Variants in GDAP1 observed in about 807,000 individuals in gnomAD.
GDAP1 encodes ganglioside induced differentiation associated protein 1.
In GDAP1, 34 loss-of-function variants were observed where a neutral mutation model predicts 40.1. The ratio of observed to expected loss-of-function variants is 0.85; its 90% CI spans 0.64 to 1.13. GDAP1 has a LOEUF of 1.13. GDAP1 is among the 50% of genes most tolerant of loss of function. The pLI, the probability that GDAP1 is intolerant of heterozygous loss-of-function variation, is 0.00. For synonymous variants in GDAP1, 170 were observed against 157.4 expected, an observed-to-expected ratio of 1.08 and a Z score of -0.60; for missense variants, 374 against 433.7, an observed-to-expected ratio of 0.86 and a Z score of 1.22.
chr8:74,377,410 A>G (rs1398320034), intron 2 of GDAP1, among the ~76,000 whole-genome samples: 1 of 152,234 alleles, frequency 6.6e-6, no homozygotes, highest in East Asian at 1.9e-4. Flanking sequence ...CAAAGAGGAT[A>G]TGTGAATAGT....
At chr8:74,369,825 A>T (rs1809718145), downstream of GDAP1, among the ~76,000 whole-genome samples, 2 of 151,712 alleles carry the variant, frequency 1.3e-5, no homozygotes, top group African/African-American at 4.8e-5. Context: ...GAAAAAAAAG[A>T]TATACACAAG....
At chr8:74,431,454 A>G (rs891147797) in intron 2 of GDAP1, among the ~76,000 whole-genome samples, 3 of 151,166 alleles carry the variant, frequency 2.0e-5, no homozygotes, top group Admixed American at 2.0e-4. Flanking sequence ...TAATGTGAAC[A>G]TGTTCAAAAT....
At chr8:74,395,088 A>G (rs968000374) in intron 2 of GDAP1, among the ~76,000 whole-genome samples, 2 of 152,132 alleles carry the variant, frequency 1.3e-5, no homozygotes, top group Non-Finnish European at 2.9e-5. Context: ...CACAGTGCTT[A>G]TTTCAGTTTC....
chr8:74,399,136 C>T (rs1037946917), intron 2 of GDAP1, among the ~76,000 whole-genome samples: 1 of 152,066 alleles, frequency 6.6e-6, no homozygotes, highest in South Asian at 2.1e-4. Context: ...ACCAGTTCCT[C>T]CTTGTACCTC....
chr8:74,433,120 A>G (rs765703603), intron 2 of GDAP1, among the ~76,000 whole-genome samples: 11 of 152,140 alleles, frequency 7.2e-5, no homozygotes, highest in African/African-American at 1.2e-4. Flanking sequence ...GTGCCTGCTC[A>G]TTATTTAGGC....
intron 2 of GDAP1, among the ~76,000 whole-genome samples, chr8:74,406,924 G>A (rs1036926027): frequency 6.7e-6 from 1 of 149,730 alleles, no homozygotes; most frequent in Admixed American, 6.6e-5. Flanking sequence ...ACAAGGGAAG[G>A]TTTACTTAGA....
At chr8:74,466,818 A>G (rs1291234503) in intron 2 of GDAP1, among the ~76,000 whole-genome samples, 1 of 152,222 alleles carries the variant, frequency 6.6e-6, no homozygotes, top group Non-Finnish European at 1.5e-5. Context: ...ATTTGCAGGC[A>G]GGAGACTGAG....
chr8:74,480,762 C>A (rs906055492), intron 2 of GDAP1, among the ~76,000 whole-genome samples: 1 of 152,152 alleles, frequency 6.6e-6, no homozygotes, highest in African/African-American at 2.4e-5. Flanking sequence ...GTCTTTTGAG[C>A]TTTCTTCTGT....
intron 2 of GDAP1, among the ~76,000 whole-genome samples, chr8:74,410,023 C>T (rs1239308017): frequency 2.0e-5 from 3 of 149,930 alleles, no homozygotes; most frequent in African/African-American, 5.1e-5. Flanking sequence ...AGACTGAACC[C>T]CTGGTGTTTC....
intron 2 of GDAP1, among the ~76,000 whole-genome samples, chr8:74,460,437 C>G (rs1424159854): frequency 6.6e-6 from 1 of 152,176 alleles, no homozygotes; most frequent in Non-Finnish European, 1.5e-5. Flanking sequence ...AACTTCTGAC[C>G]CTGCAACTTC....
chr8:74,368,238 A>C (rs1485782245), downstream of GDAP1, among the ~76,000 whole-genome samples: 4 of 152,192 alleles, frequency 2.6e-5, no homozygotes, highest in African/African-American at 9.7e-5. Context: ...AATTTTTAAC[A>C]AAGTAAAATT....
downstream of GDAP1, among the ~76,000 whole-genome samples, chr8:74,370,410 A>C (rs1451727678): frequency 1.3e-5 from 2 of 152,244 alleles, no homozygotes; most frequent in Non-Finnish European, 2.9e-5. Context: ...AATGAAAAGT[A>C]TCAAGTGGGA....
chr8:74,450,268 A>G (rs1328900949), intron 2 of GDAP1, among the ~76,000 whole-genome samples: 3 of 151,862 alleles, frequency 2.0e-5, no homozygotes, highest in African/African-American at 7.2e-5. Flanking sequence ...GATATAGTCC[A>G]TCTTTGTGAG....
chr8:74,416,058 A>G (rs533026071), intron 2 of GDAP1, among the ~76,000 whole-genome samples: 1 of 149,904 alleles, frequency 6.7e-6, no homozygotes, highest in South Asian at 2.1e-4. Context: ...CAGACTACCT[A>G]GAACCTAACT....
chr8:74,420,549 ACAGTAACAACAG>A (rs1213485588), intron 2 of GDAP1, among the ~76,000 whole-genome samples: 1 of 152,164 alleles, frequency 6.6e-6, no homozygotes, highest in African/African-American at 2.4e-5. Context: ...AACAACACAA[ACAGTAACAACAG>A]CAGCAGTAAC....
chr8:74,434,618 A>G (rs1806066869), intron 2 of GDAP1, among the ~76,000 whole-genome samples: 1 of 152,172 alleles, frequency 6.6e-6, no homozygotes. Context: ...TCAGACATGA[A>G]CTTTTTGAGC....
rs1302190984 is a variant in GDAP1 at position 74,366,774 on chromosome 8, C to T, written c.*2407C>T. On this transcript the variant is annotated 3_prime_UTR_variant, in exon 6 of 6. Transcript: ENST00000220822. ...TAGTAATTATTGCTGTTGACACCAG[C>T]GTTGTAGATTTTTGGTGTTGTTGAA... The T allele has an allele frequency of 2.0e-5, 9 of 453,642 alleles. No homozygotes were observed. In the East Asian group the frequency reaches 2.1e-4, roughly 10 times the overall value. 28.1% of individuals were successfully genotyped at this position (453,642 alleles called of 1,614,324 possible).
chr8:74,351,708 C>G (rs577018907), intron 2 of GDAP1, among the ~76,000 whole-genome samples: 74 of 152,070 alleles, frequency 4.9e-4, no homozygotes, highest in African/African-American at 1.7e-3. Flanking sequence ...AATGTTGAAA[C>G]TTAAAAAAAT....
chr8:74,472,855 T>C (rs1481206869), intron 2 of GDAP1, among the ~76,000 whole-genome samples: 2 of 152,042 alleles, frequency 1.3e-5, no homozygotes, highest in African/African-American at 2.4e-5. Flanking sequence ...TCAAGCAGTC[T>C]TCCCTCCTCA....
Sources: gnomAD v4.1 joint callset for allele counts (sites outside exome capture counted in the v4.1 genomes callset) on GRCh38, gnomAD v4.1.1 for gene constraint, MANE v1.5 for transcripts, NCBI Gene and HGNC (gene_info 2026-07-23, HGNC 2026-07-21) for gene names.